SEC16A: variants seen among roughly 807,000 people sequenced by gnomAD.
SEC16A encodes the protein protein transport protein Sec16A.
Under a neutral mutation model 221.9 loss-of-function variants are expected in SEC16A, and 110 were observed. The observed-to-expected ratio is 0.50, with a 90% CI of 0.42 to 0.58. SEC16A has a LOEUF of 0.58. Ranked by LOEUF, SEC16A falls within the 20% of genes least tolerant of loss-of-function variation. The pLI is 0.00. For synonymous variants in SEC16A, 1,393 were observed against 1,257.7 expected (o/e 1.11, Z -2.28); for missense variants, 3,165 against 3,097.8 (o/e 1.02, Z -0.52).
intron 3 of SEC16A, 130 bp downstream of exon 3, chr9:136,473,919 C>T (rs1263184612): frequency 2.0e-6 from 2 of 996,440 alleles, no homozygotes; most frequent in African/African-American, 1.6e-5. Flanking sequence ...ATACTGTTCT[C>T]ACGCCTGCGG....
chr9:136,449,431 G>A (rs1218852511), intron 23 of SEC16A, among the ~76,000 whole-genome samples: 1 of 152,216 alleles, frequency 6.6e-6, no homozygotes, highest in African/African-American at 2.4e-5. Flanking sequence ...TGTATTTTTA[G>A]TAGAGATGGG....
chr9:136,442,833 G>A (rs938269499), intron 31 of SEC16A, among the ~76,000 whole-genome samples: 4 of 152,236 alleles, frequency 2.6e-5, no homozygotes, highest in South Asian at 2.1e-4. Context: ...CAGATAGGCC[G>A]GAGGAGAAAG....
chr9:136,476,441 G>C lies in SEC16A; in HGVS notation c.1175C>G (p.Ala392Gly), dbSNP rs747460286. The change falls in exon 3 of 32, where the codon GCA (alanine) becomes GGA (glycine). Residue 392 changes from alanine to glycine, a missense_variant. Coordinates refer to ENST00000684901, the MANE Select transcript of SEC16A (RefSeq NM_014866.2). Reference sequence around the variant, plus strand: ...AAAGTCCGCTTGACCAGATAAGCCTGCTTTTTCAGATGAGAGATTCTCCTC... The same window carrying C: ...AAAGTCCGCTTGACCAGATAAGCCTCCTTTTTCAGATGAGAGATTCTCCTC... ...ENEENLSSEK[A>G]GLSGQADFDD... is the part of the protein sequence containing the mutation. The C allele has an allele frequency of 2.5e-6, 4 of 1,613,042 alleles. No individual in the cohort carries two copies. The highest frequency in any genetic ancestry group is 3.4e-6 in the Non-Finnish European group (4 of 1,179,774).
At position 136,466,951 on chromosome 9, in the gene SEC16A, A is replaced by G. The variant is rs1840241885; in HGVS notation, c.3929+6T>C. The stretch of plus-strand genomic sequence containing the variant: ...GCCTCTGCCTCCCCAGGGGTGCTCC[A>G]CCAACCTGTCCCCGAAGGCAGAGTG... On this transcript the variant is annotated splice_donor_region_variant and intron_variant, in intron 6 of 31. Coordinates refer to ENST00000684901, the MANE Select transcript of SEC16A (RefSeq NM_014866.2). This position sits in a 1 kb window ranked among gnomAD's most constrained non-coding sequence, Gnocchi z 5.5. 2 of 1,611,450 alleles carry G rather than the reference A, an allele frequency of 1.2e-6. No homozygotes were observed. Among genetic ancestry groups the G allele is most frequent in the African/African-American group, 1.3e-5 (1 of 74,858 alleles).
At position 136,462,867 on chromosome 9, in the gene SEC16A, G is replaced by A; in HGVS notation, c.4893+20C>T. 6.3e-7 allele frequency: 1 copy of A among 1,596,852 alleles called. No individual in the cohort carries two copies. The highest frequency in any genetic ancestry group is 1.1e-5 in the South Asian group (1 of 90,958). The stretch of plus-strand genomic sequence containing the variant: ...CAGTGGACATGTGCAGGCGCCAGGT[G>A]CCATGATGAGGAGGCGCACCTTCTT... On this transcript the variant is annotated intron_variant, in intron 12 of 31. Transcript: ENST00000684901.
At position 136,471,989 on chromosome 9, in the gene SEC16A, T is replaced by C; in HGVS notation, c.3690A>G (p.Glu1230=). The C allele has an allele frequency of 6.2e-7, 1 of 1,612,242 alleles. No individual in the cohort carries two copies. Among genetic ancestry groups the C allele is most frequent in the Non-Finnish European group, 8.5e-7 (1 of 1,179,824 alleles). Residue 1230 remains glutamate (E), a synonymous_variant, in exon 4 of 32, where the codon GAA becomes GAG. Coordinates refer to ENST00000684901, the MANE Select transcript of SEC16A (RefSeq NM_014866.2). ...CGCGGCCGCACCTGGGAGGTGGCCG[T>C]TCCGAGGAGTGGCTGGCTCGGGAGC... is the stretch of plus-strand genomic sequence containing the variant. The part of the protein sequence containing the change: ...RPSSRASHSS[E]RPPPRQGYPE...
Position 136,446,967 on chromosome 9 carries a change from A to G in SEC16A, c.6698-18T>C. 1.2e-6 allele frequency: 2 copies of G among 1,613,436 alleles called. No homozygotes were observed. Among genetic ancestry groups the G allele is most frequent in the Non-Finnish European group, 1.7e-6 (2 of 1,179,850 alleles). ...TTCTGCATCTGGGGATGAGAGAGCGAGGAGGCCATCATTCCGTCCCGAACG... is the reference window on the plus strand; with the variant it reads ...TTCTGCATCTGGGGATGAGAGAGCGGGGAGGCCATCATTCCGTCCCGAACG... On this transcript the variant is annotated intron_variant, in intron 27 of 31. Coordinates refer to ENST00000684901, the MANE Select transcript of SEC16A (RefSeq NM_014866.2).
intron 11 of SEC16A, 149 bp downstream of exon 11, chr9:136,463,314 A>G: frequency 4.8e-6 from 6 of 1,241,252 alleles, no homozygotes; most frequent in Non-Finnish European, 6.7e-6. Flanking sequence ...CTCCCTACCC[A>G]GCCACTACAG....
Position 136,447,415 on chromosome 9 carries a change from G to A in SEC16A, c.6560-51C>T. On this transcript the variant is annotated intron_variant, in intron 26 of 31. Coordinates refer to ENST00000684901, the MANE Select transcript of SEC16A (RefSeq NM_014866.2). This position sits in a 1 kb window ranked among gnomAD's most constrained non-coding sequence, Gnocchi z 5.5. ...AGGTGAACGCGCCAGGTGGCCTCCA[G>A]CTTCCAAATGCTCTGCGCTCACTGC... 1 of 1,579,962 alleles carries A rather than the reference G, an allele frequency of 6.3e-7. No homozygotes were observed. The highest frequency in any genetic ancestry group is 8.6e-7 in the Non-Finnish European group (1 of 1,163,046).
In SEC16A at chr9:136,464,399, C is replaced by T. The variant is rs753338777; in HGVS notation, c.4446+21G>A. Reference sequence around the variant, plus strand: ...CCAGGGCAGCAGAGCAGTGACGCCACGCTTCTGCGTGTGCCATTACCTCCA... The same window carrying T: ...CCAGGGCAGCAGAGCAGTGACGCCATGCTTCTGCGTGTGCCATTACCTCCA... On this transcript the variant is annotated intron_variant, in intron 9 of 31. Transcript: ENST00000684901. The T allele has an allele frequency of 1.8e-5, 28 of 1,584,560 alleles. No homozygotes were observed. In the Middle Eastern group the frequency reaches 5.0e-4, roughly 29 times the overall value.
rs142810642 is a variant in SEC16A at position 136,456,728 on chromosome 9, G to A, written c.5551-562C>T. ...AGGTGAAGATCCTGATGCAACACGGGCGCCTCCCATACTCTCGTCAGTCAT... is the reference window on the plus strand; with the variant it reads ...AGGTGAAGATCCTGATGCAACACGGACGCCTCCCATACTCTCGTCAGTCAT... On this transcript the variant is annotated intron_variant, in intron 18 of 31. Coordinates refer to ENST00000684901, the MANE Select transcript of SEC16A (RefSeq NM_014866.2). Among the ~76,000 whole-genome samples the A allele has an allele frequency of 8.5e-5, 13 of 152,292 alleles. 1 individual carries two copies. The East Asian group carries it at 2.5e-3, about 29-fold the overall frequency.
chr9:136,472,671 C>T (rs1841034080), intron 3 of SEC16A, among the ~76,000 whole-genome samples: 1 of 152,218 alleles, frequency 6.6e-6, no homozygotes, highest in Admixed American at 6.5e-5. Flanking sequence ...CAATTCGTGG[C>T]CACAGAATTG....
Position 136,445,093 on chromosome 9 carries a change from T to C in SEC16A, c.6886A>G (p.Met2296Val), listed in dbSNP as rs1369977312. 11 of 1,607,334 alleles carry C rather than the reference T, an allele frequency of 6.8e-6. No individual in the cohort carries two copies. The highest frequency in any genetic ancestry group is 4.5e-5 in the South Asian group (4 of 89,444). Residue 2296 changes from methionine (M) to valine (V), a missense_variant, in exon 30 of 32, where the codon ATG becomes GTG. By Grantham distance (21) the Met-to-Val change is conservative (BLOSUM62 1). Transcript: ENST00000684901. The stretch of plus-strand genomic sequence containing the variant: ...CTCACTTCACGTGATAATGAACTCA[T>C]TGAACTACAGCGCGAAAGCTACAAA... ...QGGELSRCSS[M>V]SSLSREVSQH... is the part of the protein sequence containing the mutation.
chr9:136,473,642 C>T (rs532850140), intron 3 of SEC16A, among the ~76,000 whole-genome samples: 2 of 152,310 alleles, frequency 1.3e-5, no homozygotes, highest in East Asian at 3.9e-4. Context: ...ATGGTTATAC[C>T]CAATGCTTCT....
Position 136,454,308 on chromosome 9 carries a change from G to A in SEC16A, c.5877C>T (p.Asp1959=), listed in dbSNP as rs376683558. 2.9e-5 allele frequency: 45 copies of A among 1,577,686 alleles called. No individual in the cohort carries two copies. The highest frequency in any genetic ancestry group is 8.1e-5 in the African/African-American group (6 of 74,262). ...LLPSAPQTLP[D]GPLASPARVP... ...CTCTGGCAGGACTGGCCAATGGGCCGTCAGGGAGCGTCTGCGGAGCTGCAT... is the reference window on the plus strand; with the variant it reads ...CTCTGGCAGGACTGGCCAATGGGCCATCAGGGAGCGTCTGCGGAGCTGCAT... The change falls in exon 21 of 32, where the codon GAC becomes GAT. Residue 1959 remains aspartate, a synonymous_variant. Coordinates refer to ENST00000684901, the MANE Select transcript of SEC16A (RefSeq NM_014866.2).
intron 12 of SEC16A, among the ~76,000 whole-genome samples, chr9:136,462,546 G>A (rs367734060): frequency 3.3e-5 from 5 of 152,224 alleles, no homozygotes; most frequent in Admixed American, 2.0e-4. Flanking sequence ...CTGACTTTGT[G>A]AGAATGCCAC....
Position 136,440,825 on chromosome 9 carries a change from CCACGAAAAGTGCT to C in SEC16A, c.*917_*929del, listed in dbSNP as rs1196199218. On this transcript the variant is annotated 3_prime_UTR_variant, in exon 32 of 32. Transcript: ENST00000684901. The stretch of plus-strand genomic sequence containing the variant: ...GAGAAAGTGGGTCATGTGGATTGTA[CCACGAAAAGTGCT>C]CACGGAAAGTGCAGCCTTTTAGAGA... 2 of 152,392 alleles carry C rather than the reference CCACGAAAAGTGCT, an allele frequency of 1.3e-5. No individual in the cohort carries two copies. The highest frequency in any genetic ancestry group is 2.1e-4 in the South Asian group (1 of 4,834). 9.4% of individuals were successfully genotyped at this position (152,392 alleles called of 1,614,324 possible).
At chr9:136,483,167 C>G, upstream of SEC16A, 1 of 312,306 alleles carries the variant, frequency 3.2e-6, no homozygotes. Flanking sequence ...CTTCACAGCC[C>G]ATCCCTCGGC....
In SEC16A at chr9:136,474,518, C is replaced by T. The variant is rs1279787355; in HGVS notation, c.3098G>A (p.Gly1033Glu). 3 of 1,612,796 alleles carry T rather than the reference C, an allele frequency of 1.9e-6. No individual in the cohort carries two copies. Among genetic ancestry groups the T allele is most frequent in the African/African-American group, 1.3e-5 (1 of 74,946 alleles). The change falls in exon 3 of 32, where the codon GGG (glycine) becomes GAG (glutamate). Residue 1033 changes from glycine to glutamate, a missense_variant. Gly to Glu is a moderately conservative substitution (Grantham distance 98, BLOSUM62 -2). This residue lies in a region of SEC16A where 2,030 missense variants were observed against 1,923.1 expected (regional missense o/e 1.06). Coordinates refer to ENST00000684901, the MANE Select transcript of SEC16A (RefSeq NM_014866.2). ...ATAAAAACGGTCAAGGTTAGGCGCC[C>T]CAGGCCCAGATTGTCTGGGATGACT... is the stretch of plus-strand genomic sequence containing the variant. ...VASHPRQSGPGAPNLDRFYQQ... is the reference protein window; with the variant it reads ...VASHPRQSGPEAPNLDRFYQQ...
Sources: gnomAD v4.1 joint callset for allele counts (sites outside exome capture counted in the v4.1 genomes callset) on GRCh38, gnomAD v4.1.1 for gene constraint, gnomAD v4.1.1 regional missense constraint, Gnocchi (gnomAD v3.1) non-coding constraint, MANE v1.5 for transcripts, NCBI Gene and HGNC (gene_info 2026-07-23, HGNC 2026-07-21) for gene names.